The following EPHA6 variants were observed in gnomAD, a reference collection of about 807,000 sequenced individuals.
The protein encoded by EPHA6 is ephrin type-A receptor 6.
A neutral mutation model predicts 112.0 loss-of-function variants in EPHA6; 50 were observed. That is an observed-to-expected ratio of 0.45 (90% CI 0.36 to 0.56). The LOEUF (loss-of-function observed/expected upper bound fraction) is 0.56, where lower values mean the gene tolerates loss of function less well. Among genes scored for constraint, EPHA6 ranks in the 20% least tolerant of loss-of-function variants. The probability of loss-of-function intolerance (pLI) is 0.00; values close to 1 mark genes in which losing one functional copy is unlikely to be tolerated. For synonymous variants in EPHA6, 529 were observed against 490.7 expected, an observed-to-expected ratio of 1.08 and a Z score of -1.03; for missense variants, 1,280 against 1,417.4, an observed-to-expected ratio of 0.90 and a Z score of 1.56.
chr3:97,392,898 A>C (rs2109070078), intron 5 of EPHA6, among the ~76,000 whole-genome samples: 1 of 151,878 alleles, frequency 6.6e-6, no homozygotes, highest in South Asian at 2.1e-4. Context: ...GACGCCCAGA[A>C]GTTACAAACC....
intron 1 of EPHA6, among the ~76,000 whole-genome samples, chr3:96,863,272 T>C (rs1405184211): frequency 6.6e-6 from 1 of 152,006 alleles, no homozygotes; most frequent in Non-Finnish European, 1.5e-5. Flanking sequence ...CTACTGAGTT[T>C]ACAGTGTTTT....
intron 11 of EPHA6, 24 bp downstream of exon 11, chr3:97,532,567 A>G: frequency 2.6e-6 from 4 of 1,566,512 alleles, no homozygotes. Flanking sequence ...TTTCTTCATT[A>G]CTTCTTTCAC....
intron 5 of EPHA6, among the ~76,000 whole-genome samples, chr3:97,302,405 A>G (rs1449083838): frequency 1.3e-5 from 2 of 151,684 alleles, no homozygotes; most frequent in African/African-American, 4.8e-5. Context: ...ATTTTTGTCC[A>G]TAGAGATTTT....
chr3:96,981,282 G>A (rs977738001), intron 2 of EPHA6, among the ~76,000 whole-genome samples: 3 of 152,066 alleles, frequency 2.0e-5, no homozygotes, highest in Middle Eastern at 3.2e-3. Flanking sequence ...TTTGTCAAAG[G>A]CCTTTTCTGC....
intron 14 of EPHA6, among the ~76,000 whole-genome samples, chr3:97,693,794 C>T (rs951856235): frequency 4.0e-5 from 6 of 151,832 alleles, no homozygotes; most frequent in Non-Finnish European, 7.4e-5. Context: ...GGTGACAGAG[C>T]GAGACTCTGT....
chr3:96,979,779 A>C (rs1016618061), intron 2 of EPHA6, among the ~76,000 whole-genome samples: 2 of 151,972 alleles, frequency 1.3e-5, no homozygotes, highest in Admixed American at 6.5e-5. Context: ...TGTGGTTTTG[A>C]TTTGCATTTC....
At chr3:96,935,019 G>T (rs1253115048) in intron 2 of EPHA6, among the ~76,000 whole-genome samples, 2 of 151,206 alleles carry the variant, frequency 1.3e-5, no homozygotes, top group Non-Finnish European at 3.0e-5. Context: ...TTCAAATATT[G>T]GTTCTCTAAT....
chr3:97,283,692 G>A (rs1431857598), intron 5 of EPHA6, among the ~76,000 whole-genome samples: 2 of 151,938 alleles, frequency 1.3e-5, no homozygotes, highest in African/African-American at 4.8e-5. Flanking sequence ...GTTGATAGGT[G>A]CAGCAAACCA....
chr3:97,072,400 G>A (rs894909538), intron 3 of EPHA6, among the ~76,000 whole-genome samples: 2 of 152,066 alleles, frequency 1.3e-5, no homozygotes, highest in Non-Finnish European at 2.9e-5. Context: ...TTACAGGGAA[G>A]ACAATGTGAA....
intron 2 of EPHA6, among the ~76,000 whole-genome samples, chr3:96,966,753 A>T (rs1311701808): frequency 6.6e-6 from 1 of 152,082 alleles, no homozygotes; most frequent in African/African-American, 2.4e-5. Context: ...TTATGCTCAC[A>T]CAAGGAAAGT....
chr3:97,190,092 G>A (rs1024711281), intron 3 of EPHA6, among the ~76,000 whole-genome samples: 2 of 152,068 alleles, frequency 1.3e-5, no homozygotes, highest in Admixed American at 6.6e-5. Flanking sequence ...AGGGTCAGTA[G>A]AAACGTCCAT....
At chr3:97,715,569 CAGAG>C (rs2034180301) in intron 14 of EPHA6, among the ~76,000 whole-genome samples, 1 of 152,122 alleles carries the variant, frequency 6.6e-6, no homozygotes, top group South Asian at 2.1e-4. Context: ...AAATGAGAAA[CAGAG>C]AGAGACATTT....
intron 3 of EPHA6, among the ~76,000 whole-genome samples, chr3:97,002,794 C>A (rs1012142262): frequency 1.3e-5 from 2 of 151,594 alleles, no homozygotes; most frequent in Admixed American, 1.3e-4. Context: ...AAATGCATTG[C>A]AATATAAAGG....
chr3:97,687,305 T>C (rs2107696908), intron 14 of EPHA6, among the ~76,000 whole-genome samples: 1 of 152,276 alleles, frequency 6.6e-6, no homozygotes, highest in East Asian at 1.9e-4. Context: ...CTAGAGTCTA[T>C]TTTATCTCAA....
intron 10 of EPHA6, among the ~76,000 whole-genome samples, chr3:97,508,432 C>T (rs1422855808): frequency 6.6e-6 from 1 of 152,074 alleles, no homozygotes; most frequent in Non-Finnish European, 1.5e-5. Flanking sequence ...CAGTAGTCAT[C>T]CAGGAGCAGG....
At chr3:97,347,651 A>C (rs948757767) in intron 5 of EPHA6, among the ~76,000 whole-genome samples, 2 of 152,092 alleles carry the variant, frequency 1.3e-5, no homozygotes, top group African/African-American at 4.8e-5. Context: ...AGTTAAGCTA[A>C]TAGATAAAAG....
intron 10 of EPHA6, among the ~76,000 whole-genome samples, chr3:97,518,475 A>G (rs958610753): frequency 6.6e-6 from 1 of 151,968 alleles, no homozygotes; most frequent in African/African-American, 2.4e-5. Context: ...CCTTTGGATA[A>G]ATATCCAGCA....
intron 3 of EPHA6, among the ~76,000 whole-genome samples, chr3:97,115,871 C>G (rs1329450020): frequency 6.6e-6 from 1 of 151,758 alleles, no homozygotes; most frequent in Non-Finnish European, 1.5e-5. Context: ...ACCATATCAT[C>G]ATCATGTGAA....
chr3:97,428,717 G>C (rs1374997262), intron 6 of EPHA6, among the ~76,000 whole-genome samples: 1 of 145,952 alleles, frequency 6.9e-6, no homozygotes. Context: ...AGGGTCTCCA[G>C]CTACCACAGC....
Sources: allele counts gnomAD v4.1 joint callset (sites outside exome capture counted in the v4.1 genomes callset), GRCh38; gene constraint gnomAD v4.1.1; transcripts MANE v1.5; gene names NCBI Gene and HGNC (gene_info 2026-07-23, HGNC 2026-07-21).